Variants in PHRF1 observed in about 807,000 individuals in gnomAD.
The protein encoded by PHRF1 is PHD and RING finger domain-containing protein 1.
A neutral mutation model predicts 128.9 loss-of-function variants in PHRF1; 53 were observed. The ratio of observed to expected loss-of-function variants is 0.41; its 90% CI spans 0.33 to 0.52. The LOEUF (loss-of-function observed/expected upper bound fraction) is 0.52. PHRF1 is among the 20% of genes least tolerant of loss of function. The pLI is 0.21. For synonymous variants in PHRF1, 1,178 were observed against 980.6 expected (o/e 1.20, Z -3.76); for missense variants, 2,503 against 2,284.5 (o/e 1.10, Z -1.95).
chr11:586,334 A>T (rs7931013), intron 3 of PHRF1, among the ~76,000 whole-genome samples: 1,549 of 151,992 alleles, frequency 0.01, 26 homozygotes, highest in African/African-American at 0.035. Flanking sequence ...GGAACTTAAA[A>T]CTCTTCTGCT....
rs761379307 is a variant in PHRF1 at position 608,379 on chromosome 11, G to A, written c.2923G>A (p.Asp975Asn). Residue 975 changes from aspartate to asparagine, a missense_variant, in exon 14 of 18, where the codon GAC (aspartate) becomes AAC (asparagine). By Grantham distance (23) the Asp-to-Asn change is conservative. Transcript: ENST00000264555. ...GGAGCCGGAAGCCCCACCCAGCCCG[G>A]ACGTGCTGCAGGCTGCCACCCACAG... ...VVEPEAPPSP[D>N]VLQAATHRVV... 3 of 1,611,522 alleles carry A rather than the reference G, an allele frequency of 1.9e-6. No homozygotes were observed. Among genetic ancestry groups the A allele is most frequent in the South Asian group, 1.1e-5 (1 of 90,974 alleles).
intron 17 of PHRF1, 117 bp downstream of exon 17, chr11:611,199 G>C: frequency 6.7e-7 from 1 of 1,496,638 alleles, no homozygotes; most frequent in South Asian, 1.2e-5. Flanking sequence ...CAGCCAGCCA[G>C]GTTAGGGGTC....
chr11:612,176 G>A lies in PHRF1; in HGVS notation c.*399G>A, dbSNP rs113299190. 1,943 of 317,738 alleles carry A rather than the reference G, an allele frequency of 6.1e-3. 32 individuals carry two copies. The highest frequency in any genetic ancestry group is 0.038 in the African/African-American group (1,802 of 47,228). The allele number at this position is 317,738 out of a possible 1,614,324, so 19.7% of individuals were successfully genotyped here. A position where few individuals can be genotyped will look rare whatever the true frequency, so the allele number is the denominator to read the frequency against. On this transcript the variant is annotated 3_prime_UTR_variant, in exon 18 of 18. Coordinates refer to ENST00000264555, the MANE Select transcript of PHRF1 (RefSeq NM_001286581.2). ...GTGGCCTCCCGCCAACAGCTGCTGT[G>A]TACCTTTGGCTCTGAATTAGGAATA...
intron 3 of PHRF1, among the ~76,000 whole-genome samples, chr11:586,661 C>G (rs186628687): frequency 2.6e-4 from 40 of 152,128 alleles, no homozygotes; most frequent in Non-Finnish European, 3.4e-4. Context: ...CTCGGAGCAT[C>G]TCCCTGCTCC....
At chr11:601,946 G>T (rs1855650591) in intron 10 of PHRF1, among the ~76,000 whole-genome samples, 1 of 152,240 alleles carries the variant, frequency 6.6e-6, no homozygotes. Context: ...GGGGTTGAGG[G>T]GTGGTCATGT....
chr11:591,243 A>G (rs1293338311), intron 4 of PHRF1, 141 bp from the exon 5 acceptor site: 17 of 745,026 alleles, frequency 2.3e-5, no homozygotes, highest in Non-Finnish European at 3.8e-5. Flanking sequence ...TGCTCCCTCC[A>G]CTGCCGTGTT....
chr11:611,085 G>A lies in PHRF1; in HGVS notation c.4806+3G>A. 1.9e-6 allele frequency: 3 copies of A among 1,612,650 alleles called. No homozygotes were observed. The highest frequency in any genetic ancestry group is 2.5e-6 in the Non-Finnish European group (3 of 1,179,622). ...TCCTGCGCAAGGCCGTGCAGAAGGT[G>A]GGCTGTGTGCGAGCCTGTGTGTGGG... is the stretch of plus-strand genomic sequence containing the variant. On this transcript the variant is annotated splice_donor_region_variant and intron_variant, in intron 17 of 17. Coordinates refer to ENST00000264555, the MANE Select transcript of PHRF1 (RefSeq NM_001286581.2).
Position 597,070 on chromosome 11 carries a change from C to T in PHRF1, c.718+50C>T. 6.4e-7 allele frequency: 1 copy of T among 1,565,280 alleles called. No homozygotes were observed. The highest frequency in any genetic ancestry group is 1.1e-5 in the South Asian group (1 of 87,924). ...GGCGCACATGGGCCTTCTCACTGTCCACTCTGCGGTCCCCGGGGTTAGGTT... is the reference window on the plus strand; with the variant it reads ...GGCGCACATGGGCCTTCTCACTGTCTACTCTGCGGTCCCCGGGGTTAGGTT... On this transcript the variant is annotated intron_variant, in intron 7 of 17. Transcript: ENST00000264555. The surrounding 1 kb of genome is among the most constrained non-coding windows in gnomAD (Gnocchi z 6.5).
chr11:577,803 C>A (rs775545119), intron 1 of PHRF1, among the ~76,000 whole-genome samples: 1 of 152,244 alleles, frequency 6.6e-6, no homozygotes, highest in Non-Finnish European at 1.5e-5. Context: ...TTGCAGGCAC[C>A]CCGGACACCA....
intron 9 of PHRF1, among the ~76,000 whole-genome samples, chr11:600,093 G>A (rs926511923): frequency 4.6e-5 from 7 of 151,338 alleles, no homozygotes; most frequent in African/African-American, 1.7e-4. Flanking sequence ...CACCTGCCTC[G>A]GCCTCCCAAA....
intron 9 of PHRF1, among the ~76,000 whole-genome samples, chr11:600,162 A>G (rs998106613): frequency 6.6e-6 from 1 of 151,854 alleles, no homozygotes; most frequent in Non-Finnish European, 1.5e-5. Flanking sequence ...TATGTAAGAT[A>G]TCTAATGGTG....
chr11:592,458 C>T, intron 5 of PHRF1, 101 bp from the exon 6 acceptor site: 2 of 1,187,368 alleles, frequency 1.7e-6, no homozygotes, highest in African/African-American at 1.5e-5. Flanking sequence ...AAATATGAAT[C>T]TAAGGCAATG....
In PHRF1 at chr11:597,362, G is replaced by T. The variant is rs1855350088; in HGVS notation, c.719-33G>T. ...GTTGGGGGAGGCGTGTGGCCTGTGA[G>T]TGTGGCACATCAGCCCTGGTGGTTC... On this transcript the variant is annotated intron_variant, in intron 7 of 17. Coordinates refer to ENST00000264555, the MANE Select transcript of PHRF1 (RefSeq NM_001286581.2). This position sits in a 1 kb window ranked among gnomAD's most constrained non-coding sequence, Gnocchi z 6.5. 6.3e-7 allele frequency: 1 copy of T among 1,598,462 alleles called. No individual in the cohort carries two copies. The highest frequency in any genetic ancestry group is 8.5e-7 in the Non-Finnish European group (1 of 1,171,202).
intron 9 of PHRF1, among the ~76,000 whole-genome samples, chr11:598,867 C>T (rs1307740191): frequency 4.6e-5 from 7 of 152,310 alleles, no homozygotes; most frequent in East Asian, 1.9e-4. Flanking sequence ...CTGTGGGGGC[C>T]GAGTTGAGAT....
At chr11:599,603 TC>T (rs368725133) in intron 9 of PHRF1, among the ~76,000 whole-genome samples, 15 of 152,192 alleles carry the variant, frequency 9.9e-5, no homozygotes, top group Non-Finnish European at 1.9e-4. Context: ...TAGTGTGTAG[TC>T]CTAGGTTTGA....
At chr11:604,796 G>A (rs1288602148) in intron 10 of PHRF1, among the ~76,000 whole-genome samples, 2 of 152,234 alleles carry the variant, frequency 1.3e-5, no homozygotes, top group African/African-American at 4.8e-5. Context: ...ACAGATGTGA[G>A]CCATCAAGGG....
rs758403380 is a variant in PHRF1 at position 609,448 on chromosome 11, C to T, written c.3992C>T (p.Pro1331Leu). ...GTGTCATTGATGCACGATGAAGACCCTTCGCAGCCCCCACCCCTGCCAGAG... is the reference window on the plus strand; with the variant it reads ...GTGTCATTGATGCACGATGAAGACCTTTCGCAGCCCCCACCCCTGCCAGAG... ...REVSLMHDEDPSQPPPLPEGT... is the reference protein window; with the variant it reads ...REVSLMHDEDLSQPPPLPEGT... Residue 1331 changes from proline (P) to leucine (L), a missense_variant, in exon 14 of 18, where the codon CCT becomes CTT. Transcript: ENST00000264555. The T allele has an allele frequency of 1.4e-5, 22 of 1,606,366 alleles. No individual in the cohort carries two copies. Among genetic ancestry groups the T allele is most frequent in the African/African-American group, 2.7e-5 (2 of 74,924 alleles).
At chr11:589,839 A>AAT (rs1854835181) in intron 4 of PHRF1, among the ~76,000 whole-genome samples, 5 of 49,418 alleles carry the variant, frequency 1.0e-4, no homozygotes, top group African/African-American at 3.3e-4. Flanking sequence ...CCTGAGAGAG[A>AAT]GTCTGCAAAC....
At chr11:588,587 C>T (rs866232279) in intron 4 of PHRF1, among the ~76,000 whole-genome samples, 1 of 152,086 alleles carries the variant, frequency 6.6e-6, no homozygotes, top group African/African-American at 2.4e-5. Flanking sequence ...CCATGTTGGT[C>T]AGGCTGGTCT....
Sources: allele counts gnomAD v4.1 joint callset (sites outside exome capture counted in the v4.1 genomes callset), GRCh38; gene constraint gnomAD v4.1.1; non-coding constraint Gnocchi (gnomAD v3.1); transcripts MANE v1.5; gene names NCBI Gene and HGNC (gene_info 2026-07-23, HGNC 2026-07-21).